ULK4: variants seen among roughly 807,000 people sequenced by gnomAD.
The protein encoded by ULK4 is unc-51 like kinase 4, also known as inactive serine/threonine-protein kinase ULK4.
ULK4 carries 133 observed loss-of-function variants against 160.6 expected under a neutral mutation model. The observed-to-expected ratio is 0.83, with a 90% CI of 0.72 to 0.96. ULK4 has a LOEUF of 0.96. Ranked by LOEUF, ULK4 falls within the 40% of genes least tolerant of loss-of-function variation. ULK4 has a pLI of 0.00. For synonymous variants in ULK4, 534 were observed against 539.8 expected, an observed-to-expected ratio of 0.99 and a Z score of 0.15; for missense variants, 1,580 against 1,499.5, an observed-to-expected ratio of 1.05 and a Z score of -0.89.
intron 2 of ULK4, among the ~76,000 whole-genome samples, chr3:41,954,142 A>C (rs903312696): frequency 6.8e-6 from 1 of 146,272 alleles, no homozygotes; most frequent in African/African-American, 2.5e-5. Flanking sequence ...GTGCCACTGC[A>C]CTCTAGCCTG....
intron 5 of ULK4, among the ~76,000 whole-genome samples, chr3:41,926,680 A>C (rs1699399287): frequency 6.6e-6 from 1 of 152,240 alleles, no homozygotes; most frequent in Non-Finnish European, 1.5e-5. Flanking sequence ...TGAAAAACAC[A>C]GCACGAGAAC....
At chr3:41,678,516 TA>T (rs1427397076) in intron 29 of ULK4, among the ~76,000 whole-genome samples, 3 of 151,686 alleles carry the variant, frequency 2.0e-5, no homozygotes, top group African/African-American at 2.4e-5. Flanking sequence ...GTAGGCAGAG[TA>T]AAGAGATGGC....
At chr3:41,694,545 A>C (rs1263142159) in intron 27 of ULK4, among the ~76,000 whole-genome samples, 1 of 152,138 alleles carries the variant, frequency 6.6e-6, no homozygotes, top group Non-Finnish European at 1.5e-5. Context: ...TCACATAAGG[A>C]ATGCTGAGTA....
In ULK4 at chr3:41,247,974, G is replaced by C. The variant is rs112056852; in HGVS notation, c.3765-982C>G. ...CCCCGCCCAACACAAGATCTGTCTG[G>C]TGTAGACGTTTTAGATGCTGGAGTA... On this transcript the variant is annotated intron_variant, in intron 36 of 36. Transcript: ENST00000301831. Among the ~76,000 whole-genome samples the C allele has an allele frequency of 4.6e-3, 708 of 152,328 alleles. 5 individuals are homozygous for C. Among genetic ancestry groups the C allele is most frequent in the African/African-American group, 0.016 (662 of 41,586 alleles).
intron 5 of ULK4, among the ~76,000 whole-genome samples, chr3:41,920,353 G>T (rs544576281): frequency 1.3e-5 from 2 of 152,286 alleles, no homozygotes; most frequent in African/African-American, 4.8e-5. Flanking sequence ...CACTTAGTTG[G>T]CTTTGACCAG....
chr3:41,890,789 G>C (rs1697911229), intron 16 of ULK4, among the ~76,000 whole-genome samples: 1 of 31,934 alleles, frequency 3.1e-5, no homozygotes, highest in African/African-American at 1.4e-4. Flanking sequence ...GGAGGGACAG[G>C]AGGGACGGGA....
chr3:41,438,193 G>A lies in ULK4; in HGVS notation c.3492+17304C>T, dbSNP rs966096269. Among the ~76,000 whole-genome samples, 9 of 150,674 alleles carry A rather than the reference G, an allele frequency of 6.0e-5. No individual in the cohort carries two copies. The South Asian group carries it at 6.3e-4, about 11-fold the overall frequency. On this transcript the variant is annotated intron_variant, in intron 34 of 36. Coordinates refer to ENST00000301831, the MANE Select transcript of ULK4 (RefSeq NM_017886.4). ...AATAATTATCGAGAAATACCCTAGA[G>A]TAAGCCCTTGCTGTTTCTCCAGCCT... is the stretch of plus-strand genomic sequence containing the variant.
chr3:41,696,629 C>G (rs148590638), intron 27 of ULK4, among the ~76,000 whole-genome samples: 2 of 152,168 alleles, frequency 1.3e-5, no homozygotes, highest in East Asian at 3.9e-4. Context: ...TCTCTTGCCT[C>G]CACACACGGC....
intron 32 of ULK4, among the ~76,000 whole-genome samples, chr3:41,521,006 T>C (rs1456449989): frequency 6.6e-6 from 1 of 152,176 alleles, no homozygotes; most frequent in Non-Finnish European, 1.5e-5. Flanking sequence ...CTAGCTAGGA[T>C]TATTAAGGAG....
At chr3:41,909,920 G>A (rs973562301) in intron 11 of ULK4, among the ~76,000 whole-genome samples, 2 of 151,450 alleles carry the variant, frequency 1.3e-5, no homozygotes, top group Non-Finnish European at 2.9e-5. Context: ...TTTTGAGACG[G>A]TGTTTCGCTC....
chr3:41,363,096 C>T (rs756169436), intron 35 of ULK4, among the ~76,000 whole-genome samples: 9 of 152,238 alleles, frequency 5.9e-5, no homozygotes, highest in Non-Finnish European at 8.8e-5. Context: ...CCCTACAATG[C>T]CCCAAGGTCA....
At position 41,754,533 on chromosome 3, in the gene ULK4, T is replaced by C. The variant is rs201354756; in HGVS notation, c.2194-45A>G. On this transcript the variant is annotated intron_variant, in intron 21 of 36. Coordinates refer to ENST00000301831, the MANE Select transcript of ULK4 (RefSeq NM_017886.4). ...AATTTTTTGAGAGAACATAAAAAAATAGGGCAGTCTCAATTCTCAGAGTGA... is the reference window on the plus strand; with the variant it reads ...AATTTTTTGAGAGAACATAAAAAAACAGGGCAGTCTCAATTCTCAGAGTGA... 1.4e-3 allele frequency: 2,294 copies of C among 1,588,220 alleles called. 4 individuals are homozygous for C. Among genetic ancestry groups the C allele is most frequent in the Non-Finnish European group, 1.8e-3 (2,117 of 1,168,614 alleles).
chr3:41,633,646 C>A (rs1394254668), intron 30 of ULK4, among the ~76,000 whole-genome samples: 1 of 152,150 alleles, frequency 6.6e-6, no homozygotes, highest in East Asian at 1.9e-4. Context: ...TGAAAAAGGA[C>A]TGGGAACATG....
At position 41,550,408 on chromosome 3, in the gene ULK4, T is replaced by C. The variant is rs536529632; in HGVS notation, c.3226+15617A>G. 4.8e-4 allele frequency among the ~76,000 whole-genome samples: 66 copies of C among 138,806 alleles called. No homozygotes were observed. The Middle Eastern group carries it at 0.011, about 24-fold the overall frequency. The allele number at this position is 138,806 out of a possible 152,430, so 91.1% of individuals were successfully genotyped here. A position where few individuals can be genotyped will look rare whatever the true frequency, so the allele number is the denominator to read the frequency against. On this transcript the variant is annotated intron_variant, in intron 32 of 36. Transcript: ENST00000301831. ...GCCTACAAGAAATATATTTCACCTC[T>C]AAACATACACATAAACTTAAAGGTA...
chr3:41,828,785 G>GA (rs2041462569), intron 18 of ULK4, among the ~76,000 whole-genome samples: 4 of 152,148 alleles, frequency 2.6e-5, no homozygotes, highest in Middle Eastern at 6.8e-3. Flanking sequence ...TACAGAATTA[G>GA]AAAAAACTAC....
chr3:41,249,252 T>G (rs191178340), intron 36 of ULK4, among the ~76,000 whole-genome samples: 37 of 152,290 alleles, frequency 2.4e-4, no homozygotes, highest in Non-Finnish European at 4.7e-4. Context: ...GACTAAGACT[T>G]TCTCTCCCCC....
intron 32 of ULK4, among the ~76,000 whole-genome samples, chr3:41,517,532 C>G (rs2085790671): frequency 6.6e-6 from 1 of 152,200 alleles, no homozygotes; most frequent in Admixed American, 6.5e-5. Context: ...CCTTGAACTT[C>G]TCAGCCTCCA....
At chr3:41,948,601 C>T (rs1204883099) in intron 2 of ULK4, among the ~76,000 whole-genome samples, 13 of 151,536 alleles carry the variant, frequency 8.6e-5, no homozygotes, top group Admixed American at 8.6e-4. Context: ...TGGGTTTATT[C>T]CTGGAAAACA....
chr3:41,608,351 CTTTA>C (rs1482853548), intron 31 of ULK4, among the ~76,000 whole-genome samples: 7 of 152,136 alleles, frequency 4.6e-5, no homozygotes, highest in African/African-American at 1.7e-4. Flanking sequence ...ATGTTTGCTG[CTTTA>C]TTTAATCAAA....
Sources: allele counts gnomAD v4.1 joint callset (sites outside exome capture counted in the v4.1 genomes callset), GRCh38; gene constraint gnomAD v4.1.1; transcripts MANE v1.5; gene names NCBI Gene and HGNC (gene_info 2026-07-23, HGNC 2026-07-21).